The following ABTB3 variants were observed in gnomAD, a reference collection of about 807,000 sequenced individuals.
The protein encoded by ABTB3 is ankyrin repeat- and BTB/POZ domain-containing protein 3.
the ABTB3 span, among the ~76,000 whole-genome samples, chr12:107,555,554 T>C: frequency 1.3e-5 from 2 of 152,232 alleles, no homozygotes; most frequent in Non-Finnish European, 2.9e-5. Flanking sequence ...CCAGCTTCTC[T>C]TTATTTCATG....
chr12:107,462,770 GTGA>G, the ABTB3 span, among the ~76,000 whole-genome samples: 7 of 151,402 alleles, frequency 4.6e-5, no homozygotes, highest in African/African-American at 1.7e-4. Flanking sequence ...GGCAGTGATG[GTGA>G]TGATGATGTA....
At chr12:107,346,215 A>G in the ABTB3 span, among the ~76,000 whole-genome samples, 2 of 152,144 alleles carry the variant, frequency 1.3e-5, no homozygotes, top group African/African-American at 4.8e-5. Flanking sequence ...GGTAGTCCTC[A>G]AGTCCCTGTT....
chr12:107,404,456 C>T, the ABTB3 span, among the ~76,000 whole-genome samples: 1 of 152,122 alleles, frequency 6.6e-6, no homozygotes, highest in Non-Finnish European at 1.5e-5. Context: ...GGTGGCTGGG[C>T]CATCTCTGCA....
the ABTB3 span, among the ~76,000 whole-genome samples, chr12:107,582,284 A>ATT: frequency 1.3e-5 from 2 of 152,178 alleles, no homozygotes; most frequent in Admixed American, 6.5e-5. Flanking sequence ...ACAGATGAAT[A>ATT]TTTCCCAAAC....
At chr12:107,498,287 T>C in the ABTB3 span, among the ~76,000 whole-genome samples, 1 of 152,076 alleles carries the variant, frequency 6.6e-6, no homozygotes, top group Non-Finnish European at 1.5e-5. Context: ...GATCCTGAGT[T>C]TTAAAGTGAA....
At chr12:107,635,850 A>ACCCCC in the ABTB3 span, among the ~76,000 whole-genome samples, 6 of 56,614 alleles carry the variant, frequency 1.1e-4, no homozygotes, top group Admixed American at 2.4e-4. Context: ...GGGAGGAACA[A>ACCCCC]CCCCCCCCCC....
At chr12:107,517,974 C>A in the ABTB3 span, among the ~76,000 whole-genome samples, 1 of 152,166 alleles carries the variant, frequency 6.6e-6, no homozygotes, top group Non-Finnish European at 1.5e-5. Flanking sequence ...AGACACTTCT[C>A]AAAAGAAGAC....
chr12:107,658,038 T>C, the ABTB3 span: 2 of 363,042 alleles, frequency 5.5e-6, no homozygotes, highest in Non-Finnish European at 1.0e-5. Context: ...TCACTCAGGT[T>C]CCAGGTTGAC....
the ABTB3 span, among the ~76,000 whole-genome samples, chr12:107,583,924 A>G: frequency 1.3e-5 from 2 of 152,182 alleles, no homozygotes; most frequent in African/African-American, 2.4e-5. Context: ...AAAATATACT[A>G]ATTGATTGTT....
chr12:107,609,138 C>T, the ABTB3 span, among the ~76,000 whole-genome samples: 1 of 152,182 alleles, frequency 6.6e-6, no homozygotes, highest in Admixed American at 6.5e-5. Context: ...TCTGACCCCT[C>T]AATCCTTGCA....
chr12:107,516,054 T>TGC, the ABTB3 span, among the ~76,000 whole-genome samples: 3 of 118,208 alleles, frequency 2.5e-5, no homozygotes, highest in African/African-American at 1.0e-4. Flanking sequence ...TGTGTGTGTG[T>TGC]GCGCACACAC....
chr12:107,437,031 G>A, the ABTB3 span, among the ~76,000 whole-genome samples: 1 of 152,184 alleles, frequency 6.6e-6, no homozygotes, highest in African/African-American at 2.4e-5. Flanking sequence ...GAGTAGAAGA[G>A]TCATCCTTGA....
At chr12:107,576,856 C>A in the ABTB3 span, among the ~76,000 whole-genome samples, 4 of 152,170 alleles carry the variant, frequency 2.6e-5, no homozygotes, top group Non-Finnish European at 4.4e-5. Flanking sequence ...AGCATCCAAC[C>A]ATGACCTCTT....
the ABTB3 span, chr12:107,520,246 T>G: frequency 1.0e-6 from 1 of 985,418 alleles, no homozygotes; most frequent in Non-Finnish European, 1.2e-6. Context: ...GAAATGTGTA[T>G]GTACAGACGA....
chr12:107,565,156 T>G, the ABTB3 span, among the ~76,000 whole-genome samples: 2 of 152,138 alleles, frequency 1.3e-5, no homozygotes, highest in Non-Finnish European at 2.9e-5. Context: ...TGGGAAAGCC[T>G]TCAGAACCAA....
chr12:107,474,035 T>C, the ABTB3 span, among the ~76,000 whole-genome samples: 1 of 152,164 alleles, frequency 6.6e-6, no homozygotes, highest in African/African-American at 2.4e-5. Flanking sequence ...CCACCTGCCT[T>C]GGCCTCCCAA....
chr12:107,342,545 C>A, the ABTB3 span, among the ~76,000 whole-genome samples: 406 of 152,276 alleles, frequency 2.7e-3, 3 homozygotes, highest in African/African-American at 9.2e-3. Flanking sequence ...TACTCTCATC[C>A]AAGTTCATCC....
chr12:107,581,400 C>G, the ABTB3 span: 4 of 1,063,158 alleles, frequency 3.8e-6, no homozygotes, highest in Non-Finnish European at 4.8e-6. Flanking sequence ...GCGGCCTGAG[C>G]CCCGCACACC....
the ABTB3 span, among the ~76,000 whole-genome samples, chr12:107,574,430 T>C: frequency 7.0e-4 from 107 of 152,340 alleles, no homozygotes; most frequent in African/African-American, 2.4e-3. Flanking sequence ...GCATTAGAAA[T>C]GCAGAATCTC....
Sources: allele counts gnomAD v4.1 joint callset (sites outside exome capture counted in the v4.1 genomes callset), GRCh38; gene constraint gnomAD v4.1.1; transcripts MANE v1.5; gene names NCBI Gene and HGNC (gene_info 2026-07-23, HGNC 2026-07-21).